AMPH: variants seen among roughly 807,000 people sequenced by gnomAD.
The protein encoded by AMPH is amphiphysin (Stiff-Mann syndrome with breast cancer 128kD autoantigen).
In AMPH, 49 loss-of-function variants were observed where a neutral mutation model predicts 99.1. That is an observed-to-expected ratio of 0.49 (90% CI 0.39 to 0.63). The LOEUF is 0.63. AMPH is among the 20% of genes least tolerant of loss of function. AMPH has a pLI of 0.00. For missense variants in AMPH, 759 were observed against 863.4 expected, an observed-to-expected ratio of 0.88 and a Z score of 1.52; for synonymous variants, 314 against 317.3, an observed-to-expected ratio of 0.99 and a Z score of 0.11.
rs1378505374 is a variant in AMPH, at chr7:38,405,013, C to G, written c.1399-10799G>C. On this transcript the variant is annotated intron_variant, in intron 17 of 20. Transcript: ENST00000356264. The stretch of plus-strand genomic sequence containing the variant: ...TCCAACAGACTAACAGTCAACTTCT[C>G]AGCAGAAACCTTATAAGCCAGAAAA... Among the ~76,000 whole-genome samples, 4 of 152,034 alleles carry G rather than the reference C, an allele frequency of 2.6e-5. No individual in the cohort carries two copies. The East Asian group carries it at 7.7e-4, about 29-fold the overall frequency.
intron 14 of AMPH, chr7:38,428,575 G>C (rs1463992260): frequency 4.4e-6 from 2 of 456,480 alleles, no homozygotes; most frequent in African/African-American, 4.0e-5. Context: ...ATCATATCAT[G>C]GTTGGGAGTG....
At chr7:38,477,203 A>G (rs893867599) in intron 5 of AMPH, among the ~76,000 whole-genome samples, 1 of 151,990 alleles carries the variant, frequency 6.6e-6, no homozygotes, top group African/African-American at 2.4e-5. Context: ...AATTAGGCTA[A>G]TCACAAGCAG....
At chr7:38,509,379 C>T (rs1279555041) in intron 2 of AMPH, among the ~76,000 whole-genome samples, 2 of 152,174 alleles carry the variant, frequency 1.3e-5, no homozygotes, top group East Asian at 3.9e-4. Flanking sequence ...CCAGGAATAT[C>T]TACGATCTGA....
chr7:38,582,821 T>C (rs1019937276), intron 1 of AMPH, among the ~76,000 whole-genome samples: 8 of 152,128 alleles, frequency 5.3e-5, no homozygotes, highest in Admixed American at 2.6e-4. Flanking sequence ...TTCAGTGCAA[T>C]ATGTGACTGT....
intron 1 of AMPH, among the ~76,000 whole-genome samples, chr7:38,587,920 G>C (rs952448158): frequency 3.6e-4 from 40 of 109,802 alleles, no homozygotes; most frequent in Non-Finnish European, 4.1e-4. Flanking sequence ...ATTACTGTGT[G>C]TGTGTGTGTG....
At chr7:38,414,930 C>T (rs551843008) in intron 17 of AMPH, among the ~76,000 whole-genome samples, 1 of 152,308 alleles carries the variant, frequency 6.6e-6, no homozygotes, top group East Asian at 1.9e-4. Flanking sequence ...TCCCAAAGTG[C>T]TGGGATTACA....
rs373489682 is a variant in AMPH at position 38,570,997 on chromosome 7, TTC to T, written c.70-35988_70-35987del. ...TATATATATATTCAATATATATATA[TTC>T]ATATATATAGAATATATATATTCAT... On this transcript the variant is annotated intron_variant, in intron 1 of 20. Transcript: ENST00000356264. 3.5e-3 allele frequency among the ~76,000 whole-genome samples: 36 copies of T among 10,202 alleles called. 4 individuals are homozygous for T. Among genetic ancestry groups the T allele is most frequent in the African/African-American group, 5.8e-3 (15 of 2,578 alleles). 6.7% of individuals were successfully genotyped at this position (10,202 alleles called of 152,430 possible).
chr7:38,407,086 G>A (rs1019128607), intron 17 of AMPH, among the ~76,000 whole-genome samples: 5,334 of 34,492 alleles, frequency 0.15, 383 homozygotes, highest in Non-Finnish European at 0.21. Flanking sequence ...ATGTGTGTGT[G>A]TGTGTGTGTG....
At chr7:38,444,367 C>T (rs1445961480) in intron 11 of AMPH, among the ~76,000 whole-genome samples, 1 of 152,012 alleles carries the variant, frequency 6.6e-6, no homozygotes, top group Admixed American at 6.6e-5. Flanking sequence ...GGGTCTGAAC[C>T]AATGTAATAA....
At chr7:38,625,757 C>T (rs963238860) in intron 1 of AMPH, among the ~76,000 whole-genome samples, 2 of 151,728 alleles carry the variant, frequency 1.3e-5, no homozygotes, top group Admixed American at 6.6e-5. Context: ...AAGGTATGAA[C>T]ATAAAAAGAC....
At position 38,590,575 on chromosome 7, in the gene AMPH, C is replaced by T. The variant is rs367634780; in HGVS notation, c.69+40708G>A. Among the ~76,000 whole-genome samples, 29 of 152,334 alleles carry T rather than the reference C, an allele frequency of 1.9e-4. No homozygotes were observed. The East Asian group carries it at 5.0e-3, about 26-fold the overall frequency. ...GTTTATATCCCAATCATTGTCCCTC[C>T]CCCTGTGCTCTCAGATGATAGATGA... is the stretch of plus-strand genomic sequence containing the variant. On this transcript the variant is annotated intron_variant, in intron 1 of 20. Transcript: ENST00000356264.
chr7:38,570,605 C>T (rs760594639), intron 1 of AMPH, among the ~76,000 whole-genome samples: 2 of 151,820 alleles, frequency 1.3e-5, no homozygotes, highest in African/African-American at 2.4e-5. Context: ...CTTGCATATG[C>T]AATTATGTAC....
chr7:38,406,631 C>T, intron 17 of AMPH, among the ~76,000 whole-genome samples: 1 of 151,410 alleles, frequency 6.6e-6, no homozygotes, highest in South Asian at 2.1e-4. Context: ...TGAATGGGCA[C>T]CATCCAATCA....
intron 1 of AMPH, among the ~76,000 whole-genome samples, chr7:38,581,306 T>C (rs1479999364): frequency 6.6e-6 from 1 of 152,162 alleles, no homozygotes; most frequent in Non-Finnish European, 1.5e-5. Flanking sequence ...AAGGCCTCAC[T>C]TGAGAAGCTG....
intron 17 of AMPH, among the ~76,000 whole-genome samples, chr7:38,397,161 C>T (rs548198875): frequency 1.3e-5 from 2 of 152,310 alleles, no homozygotes; most frequent in African/African-American, 4.8e-5. Context: ...GGATGTTATT[C>T]CATGGGCTAC....
intron 6 of AMPH, 81 bp downstream of exon 6, chr7:38,476,781 G>A: frequency 3.3e-6 from 3 of 922,882 alleles, no homozygotes; most frequent in African/African-American, 1.6e-5. Flanking sequence ...TTTTATAGAG[G>A]AGGCATTTAA....
At chr7:38,620,250 G>A (rs1430308677) in intron 1 of AMPH, among the ~76,000 whole-genome samples, 3 of 151,062 alleles carry the variant, frequency 2.0e-5, no homozygotes, top group South Asian at 2.1e-4. Flanking sequence ...TTTCTCTCTC[G>A]CTCGTTCACT....
chr7:38,459,129 C>G (rs1787345790), intron 11 of AMPH, among the ~76,000 whole-genome samples: 1 of 151,956 alleles, frequency 6.6e-6, no homozygotes, highest in South Asian at 2.1e-4. Context: ...CCATTTACAA[C>G]AGCTACAACA....
chr7:38,546,917 C>T (rs1791014611), intron 1 of AMPH, among the ~76,000 whole-genome samples: 1 of 152,204 alleles, frequency 6.6e-6, no homozygotes, highest in African/African-American at 2.4e-5. Context: ...CTCCAGGAAG[C>T]TAATCCCTAA....
Sources: allele counts gnomAD v4.1 joint callset (sites outside exome capture counted in the v4.1 genomes callset), GRCh38; gene constraint gnomAD v4.1.1; transcripts MANE v1.5; gene names NCBI Gene and HGNC (gene_info 2026-07-23, HGNC 2026-07-21).